The following HTR4 variants were observed in gnomAD, a reference collection of about 807,000 sequenced individuals.
The protein encoded by HTR4 is 5-hydroxytryptamine receptor 4, also known as 5-hydroxytryptamine (serotonin) receptor 4, G protein-coupled.
A neutral mutation model predicts 36.8 loss-of-function variants in HTR4; 16 were observed. The ratio of observed to expected loss-of-function variants is 0.43; its 90% CI spans 0.29 to 0.66. The LOEUF (loss-of-function observed/expected upper bound fraction) is 0.66, where lower values mean the gene tolerates loss of function less well. Among genes scored for constraint, HTR4 ranks in the 30% least tolerant of loss-of-function variants. HTR4 has a pLI of 0.13. For missense variants in HTR4, 438 were observed against 490.9 expected (o/e 0.89, Z 1.02); for synonymous variants, 189 against 185.1 (o/e 1.02, Z -0.17).
intron 2 of HTR4, among the ~76,000 whole-genome samples, chr5:148,618,875 T>C (rs981700902): frequency 6.6e-6 from 1 of 152,242 alleles, no homozygotes; most frequent in African/African-American, 2.4e-5. Flanking sequence ...ACCTAGGCTT[T>C]GGTGACCACA....
At chr5:148,568,558 G>A (rs1760549045) in intron 2 of HTR4, among the ~76,000 whole-genome samples, 1 of 151,982 alleles carries the variant, frequency 6.6e-6, no homozygotes, top group South Asian at 2.1e-4. Flanking sequence ...TTGTCCATGA[G>A]CTTAACTAAA....
chr5:148,534,111 G>A (rs543332088), intron 4 of HTR4, among the ~76,000 whole-genome samples: 2 of 152,300 alleles, frequency 1.3e-5, no homozygotes, highest in South Asian at 2.1e-4. Context: ...TTAAGCTGCT[G>A]AGTTTTGATG....
chr5:148,652,414 G>T (rs1754067246), intron 1 of HTR4, among the ~76,000 whole-genome samples: 1 of 152,174 alleles, frequency 6.6e-6, no homozygotes, highest in Non-Finnish European at 1.5e-5. Context: ...GTAGCAGGAT[G>T]CTTATGTTGG....
chr5:148,468,204 G>C (rs1210587588), intron 5 of HTR4, among the ~76,000 whole-genome samples: 1 of 152,162 alleles, frequency 6.6e-6, no homozygotes, highest in East Asian at 1.9e-4. Flanking sequence ...CAGGTGTTAG[G>C]AAAACTCAAA....
At chr5:148,619,338 A>C (rs1752825126) in intron 2 of HTR4, among the ~76,000 whole-genome samples, 1 of 152,214 alleles carries the variant, frequency 6.6e-6, no homozygotes, top group Non-Finnish European at 1.5e-5. Flanking sequence ...CAAGAAAAAA[A>C]TGCCCTTACA....
chr5:148,456,956 A>G (rs1259112414), intron 5 of HTR4, among the ~76,000 whole-genome samples: 1 of 152,222 alleles, frequency 6.6e-6, no homozygotes, highest in Non-Finnish European at 1.5e-5. Flanking sequence ...TCCTTTCCTC[A>G]GTAACTGAAC....
chr5:148,616,540 T>C (rs187025151), intron 2 of HTR4, among the ~76,000 whole-genome samples: 134 of 152,342 alleles, frequency 8.8e-4, no homozygotes, highest in Non-Finnish European at 1.7e-3. Context: ...CCCTCTTCAG[T>C]TGCTGTGATA....
intron 5 of HTR4, among the ~76,000 whole-genome samples, chr5:148,518,472 C>T (rs192559072): frequency 2.0e-5 from 3 of 152,254 alleles, no homozygotes; most frequent in Non-Finnish European, 1.5e-5. Context: ...TCCAAGTTAG[C>T]GTTAGCATCA....
chr5:148,484,377 G>C (rs939088652), intron 6 of HTR4: 7 of 1,610,430 alleles, frequency 4.3e-6, no homozygotes, highest in Non-Finnish European at 5.9e-6. Flanking sequence ...CAGAAAATCT[G>C]TCCTAGCAGA....
chr5:148,649,955 T>G (rs1753984969), intron 1 of HTR4, among the ~76,000 whole-genome samples: 1 of 152,160 alleles, frequency 6.6e-6, no homozygotes, highest in Non-Finnish European at 1.5e-5. Flanking sequence ...TGCGAACCTA[T>G]TAGAAATGTA....
At chr5:148,616,532 C>T (rs1418684755) in intron 2 of HTR4, among the ~76,000 whole-genome samples, 1 of 152,158 alleles carries the variant, frequency 6.6e-6, no homozygotes, top group African/African-American at 2.4e-5. Context: ...AGTATTTACC[C>T]TCTTCAGTTG....
intron 4 of HTR4, among the ~76,000 whole-genome samples, chr5:148,526,000 A>C (rs536999140): frequency 3.3e-5 from 5 of 152,298 alleles, no homozygotes; most frequent in African/African-American, 9.6e-5. Context: ...TGCGTCCATA[A>C]GCCAAGGAAC....
chr5:148,538,955 C>T (rs78390605), intron 4 of HTR4, among the ~76,000 whole-genome samples: 2,340 of 152,250 alleles, frequency 0.015, 23 homozygotes, highest in Middle Eastern at 0.048. Flanking sequence ...CTGGAGGCGT[C>T]ACCTCACCTG....
At chr5:148,585,839 C>T (rs1414398849) in intron 2 of HTR4, among the ~76,000 whole-genome samples, 3 of 152,276 alleles carry the variant, frequency 2.0e-5, no homozygotes, top group Non-Finnish European at 2.9e-5. Flanking sequence ...TCCTTCATTT[C>T]CTACCACTCT....
chr5:148,590,163 T>C (rs1236362448), intron 2 of HTR4, among the ~76,000 whole-genome samples: 1 of 152,134 alleles, frequency 6.6e-6, no homozygotes, highest in Non-Finnish European at 1.5e-5. Flanking sequence ...CATAATGCCA[T>C]ACGAGAAACT....
At chr5:148,511,990 A>G (rs938600021) in intron 5 of HTR4, among the ~76,000 whole-genome samples, 1 of 152,218 alleles carries the variant, frequency 6.6e-6, no homozygotes, top group East Asian at 1.9e-4. Context: ...CCATATCCAC[A>G]TAATTATAGT....
chr5:148,488,258 C>A (rs952193332), intron 6 of HTR4, among the ~76,000 whole-genome samples: 14 of 152,174 alleles, frequency 9.2e-5, no homozygotes, highest in African/African-American at 3.4e-4. Flanking sequence ...ATGGGCACAG[C>A]ATTAAATAAT....
chr5:148,615,303 G>C (rs1321802058), intron 2 of HTR4, among the ~76,000 whole-genome samples: 1 of 152,060 alleles, frequency 6.6e-6, no homozygotes, highest in Non-Finnish European at 1.5e-5. Flanking sequence ...TTGATAGACT[G>C]GATTAAGCAA....
chr5:148,452,493 C>T (rs1971431), intron 5 of HTR4, among the ~76,000 whole-genome samples: 38,228 of 152,066 alleles, frequency 0.25, 4,856 homozygotes, highest in South Asian at 0.29. Flanking sequence ...TGGCACCTAG[C>T]GGGTAGGGAC....
Sources: allele counts gnomAD v4.1 joint callset (sites outside exome capture counted in the v4.1 genomes callset), GRCh38; gene constraint gnomAD v4.1.1; transcripts MANE v1.5; gene names NCBI Gene and HGNC (gene_info 2026-07-23, HGNC 2026-07-21).